Variants in NALCN observed in about 807,000 individuals in gnomAD.
NALCN encodes the protein sodium leak channel NALCN.
A neutral mutation model predicts 225.3 loss-of-function variants in NALCN; 111 were observed. That is an observed-to-expected ratio of 0.49 (90% CI 0.42 to 0.58). NALCN has a LOEUF of 0.58. Ranked by LOEUF, NALCN falls within the 20% of genes least tolerant of loss-of-function variation. NALCN has a pLI of 0.00. For missense variants in NALCN, 1,378 were observed against 2,202.4 expected, an observed-to-expected ratio of 0.63 and a Z score of 7.49; for synonymous variants, 764 against 769.0, an observed-to-expected ratio of 0.99 and a Z score of 0.11.
In NALCN at chr13:101,055,168, A is replaced by G. The variant is rs1040099464; in HGVS notation, c.*127T>C. On this transcript the variant is annotated 3_prime_UTR_variant, in exon 44 of 44. Transcript: ENST00000251127. ...CCTTTCTGTGGCAGGATGAAAATCA[A>G]TTTATAAACATCTTGTGACAAGCTG... 2.3e-5 allele frequency: 18 copies of G among 767,332 alleles called. No individual in the cohort carries two copies. Among genetic ancestry groups the G allele is most frequent in the African/African-American group, 8.7e-5 (5 of 57,208 alleles). 47.5% of individuals were successfully genotyped at this position (767,332 alleles called of 1,614,324 possible).
intron 15 of NALCN, among the ~76,000 whole-genome samples, chr13:101,169,085 A>G (rs2038592498): frequency 6.6e-6 from 1 of 152,098 alleles, no homozygotes; most frequent in Non-Finnish European, 1.5e-5. Context: ...AATCATCACC[A>G]CTGAACCCAA....
At chr13:101,137,999 C>G (rs532593749) in intron 17 of NALCN, among the ~76,000 whole-genome samples, 1 of 152,318 alleles carries the variant, frequency 6.6e-6, no homozygotes, top group South Asian at 2.1e-4. Context: ...TCTCAAACAT[C>G]GAGCACCTGA....
At chr13:101,193,834 T>C (rs1390592728) in intron 13 of NALCN, among the ~76,000 whole-genome samples, 2 of 152,212 alleles carry the variant, frequency 1.3e-5, no homozygotes, top group Non-Finnish European at 2.9e-5. Flanking sequence ...GGAACACGAA[T>C]TCCAAAGATG....
chr13:101,216,960 AGAG>A, intron 13 of NALCN, among the ~76,000 whole-genome samples: 1 of 152,308 alleles, frequency 6.6e-6, no homozygotes, highest in South Asian at 2.1e-4. Flanking sequence ...TTTGTGTTAT[AGAG>A]GATAATATAT....
intron 13 of NALCN, among the ~76,000 whole-genome samples, chr13:101,212,570 T>C (rs1311231102): frequency 6.6e-6 from 1 of 152,200 alleles, no homozygotes; most frequent in African/African-American, 2.4e-5. Flanking sequence ...GATAGAATTA[T>C]GAATGAAAAA....
intron 10 of NALCN, among the ~76,000 whole-genome samples, chr13:101,277,178 C>A (rs573912071): frequency 6.6e-6 from 1 of 152,038 alleles, no homozygotes; most frequent in Non-Finnish European, 1.5e-5. Flanking sequence ...AATTAAGCCA[C>A]CTTAATCAAT....
intron 17 of NALCN, among the ~76,000 whole-genome samples, chr13:101,134,517 G>C (rs887980547): frequency 1.3e-5 from 2 of 152,138 alleles, no homozygotes; most frequent in East Asian, 3.8e-4. Flanking sequence ...TTTGAAAATT[G>C]AATTAATTTC....
At chr13:101,097,131 A>G (rs2139582994) in intron 27 of NALCN, among the ~76,000 whole-genome samples, 1 of 152,334 alleles carries the variant, frequency 6.6e-6, no homozygotes, top group Admixed American at 6.5e-5. Flanking sequence ...GATTACCAGC[A>G]TGATTCTTTA....
chr13:101,109,631 C>G (rs1466322178), intron 20 of NALCN, among the ~76,000 whole-genome samples: 1 of 152,208 alleles, frequency 6.6e-6, no homozygotes. Context: ...GCCAGTTCAT[C>G]CAGATTCAAC....
In NALCN at chr13:101,285,795, A is replaced by G. The variant is rs1348612899; in HGVS notation, c.1048-1776T>C. ...TGCAAACCTGTTATAGGACCTTGTAAAGTTTCTGTCAAAATTCTGGAAGCC... is the reference window on the plus strand; with the variant it reads ...TGCAAACCTGTTATAGGACCTTGTAGAGTTTCTGTCAAAATTCTGGAAGCC... On this transcript the variant is annotated intron_variant, in intron 9 of 43. Coordinates refer to ENST00000251127, the MANE Select transcript of NALCN (RefSeq NM_052867.4). Among the ~76,000 whole-genome samples the G allele has an allele frequency of 7.2e-5, 11 of 152,190 alleles. No individual in the cohort carries two copies. The East Asian group carries it at 2.1e-3, about 29-fold the overall frequency.
intron 9 of NALCN, among the ~76,000 whole-genome samples, chr13:101,285,103 C>A (rs74117839): frequency 0.016 from 2,474 of 152,116 alleles, 79 homozygotes; most frequent in African/African-American, 0.056. Context: ...ACCCTGTATT[C>A]GAAGGGGTAA....
chr13:101,118,223 G>A lies in NALCN; in HGVS notation c.2192+6385C>T, dbSNP rs1403255647. 5.3e-5 allele frequency among the ~76,000 whole-genome samples: 8 copies of A among 151,972 alleles called. No homozygotes were observed. The South Asian group carries it at 6.2e-4, about 12-fold the overall frequency. The stretch of plus-strand genomic sequence containing the variant: ...CTCTGTACCTTTGCTCCATTTTGCC[G>A]CAAACCTAAAACTGCTCAAAAAATA... On this transcript the variant is annotated intron_variant, in intron 18 of 43. Coordinates refer to ENST00000251127, the MANE Select transcript of NALCN (RefSeq NM_052867.4).
intron 6 of NALCN, among the ~76,000 whole-genome samples, chr13:101,348,592 AATGATT>A (rs2045814878): frequency 6.7e-6 from 1 of 148,894 alleles, no homozygotes; most frequent in Non-Finnish European, 1.5e-5. Flanking sequence ...CTCAACTGTT[AATGATT>A]ATGATTTTTT....
chr13:101,149,099 C>G (rs973911515), intron 15 of NALCN, among the ~76,000 whole-genome samples: 1 of 152,142 alleles, frequency 6.6e-6, no homozygotes, highest in Admixed American at 6.5e-5. Flanking sequence ...CGAGACCATC[C>G]TGGCTAACAC....
chr13:101,148,937 G>A (rs1366358778), intron 15 of NALCN, among the ~76,000 whole-genome samples: 7 of 64,026 alleles, frequency 1.1e-4, no homozygotes, highest in East Asian at 0.02. Flanking sequence ...CTCCTGTGTC[G>A]TTTAACCTGA....
At chr13:101,357,075 G>A (rs140700400) in intron 6 of NALCN, among the ~76,000 whole-genome samples, 4,904 of 152,220 alleles carry the variant, frequency 0.032, 269 homozygotes, top group African/African-American at 0.11. Flanking sequence ...CCCACAGCCA[G>A]TATCATACTG....
intron 40 of NALCN, among the ~76,000 whole-genome samples, chr13:101,062,597 TATTA>T (rs1206162704): frequency 6.6e-6 from 1 of 152,082 alleles, no homozygotes; most frequent in African/African-American, 2.4e-5. Flanking sequence ...GTATCTTCCT[TATTA>T]ATTAATTTTT....
At chr13:101,347,044 T>A (rs988130597) in intron 6 of NALCN, among the ~76,000 whole-genome samples, 1 of 151,578 alleles carries the variant, frequency 6.6e-6, no homozygotes, top group African/African-American at 2.4e-5. Context: ...GCTGCTTCCA[T>A]CCCTTTTATA....
chr13:101,349,059 G>A (rs1484490613), intron 6 of NALCN, among the ~76,000 whole-genome samples: 1 of 152,038 alleles, frequency 6.6e-6, no homozygotes, highest in Non-Finnish European at 1.5e-5. Context: ...TGGGGTGGAT[G>A]GAATTCTTGC....
Sources: gnomAD v4.1 joint callset for allele counts (sites outside exome capture counted in the v4.1 genomes callset) on GRCh38, gnomAD v4.1.1 for gene constraint, MANE v1.5 for transcripts, NCBI Gene and HGNC (gene_info 2026-07-23, HGNC 2026-07-21) for gene names.